TRPM3: variants seen among roughly 807,000 people sequenced by gnomAD.
The protein encoded by TRPM3 is transient receptor potential cation channel subfamily M member 3.
TRPM3 carries 77 observed loss-of-function variants against 181.2 expected under a neutral mutation model. The ratio of observed to expected loss-of-function variants is 0.42; its 90% CI spans 0.35 to 0.51. The LOEUF (loss-of-function observed/expected upper bound fraction) is 0.51. TRPM3 is among the 20% of genes least tolerant of loss of function. The pLI, the probability that TRPM3 is intolerant of heterozygous loss-of-function variation, is 0.01. For missense variants in TRPM3, 1,759 were observed against 2,196.7 expected, an observed-to-expected ratio of 0.80 and a Z score of 3.98; for synonymous variants, 745 against 796.4, an observed-to-expected ratio of 0.94 and a Z score of 1.09.
intron 1 of TRPM3, among the ~76,000 whole-genome samples, chr9:71,267,712 A>G (rs1443886109): frequency 6.6e-6 from 1 of 152,144 alleles, no homozygotes. Flanking sequence ...TATTTTTTAA[A>G]TGCCCAGCCA....
intron 1 of TRPM3, among the ~76,000 whole-genome samples, chr9:71,157,557 A>G (rs1429942450): frequency 1.3e-5 from 2 of 152,252 alleles, no homozygotes; most frequent in African/African-American, 2.4e-5. Context: ...ACACCCACAA[A>G]GGTAATATAT....
At chr9:71,231,407 C>G (rs2081041479) in intron 1 of TRPM3, among the ~76,000 whole-genome samples, 1 of 152,128 alleles carries the variant, frequency 6.6e-6, no homozygotes, top group Admixed American at 6.5e-5. Context: ...ACCAAGAATA[C>G]TGGTGGCTTC....
chr9:70,529,102 T>G lies in TRPM3; in HGVS notation c.*6851A>C, dbSNP rs933079552. 1 of 152,096 alleles carries G rather than the reference T, an allele frequency of 6.6e-6. No homozygotes were observed. Among genetic ancestry groups the G allele is most frequent in the South Asian group, 2.1e-4 (1 of 4,826 alleles). 9.4% of individuals were successfully genotyped at this position (152,096 alleles called of 1,614,324 possible). A position where few individuals can be genotyped will look rare whatever the true frequency, so the allele number is the denominator to read the frequency against. Reference sequence around the variant, plus strand: ...GAGTTTTTTTTTTTATTGCAAAACATTTGTTACAGAAATTTCAGAAAGTTT... The same window carrying G: ...GAGTTTTTTTTTTTATTGCAAAACAGTTGTTACAGAAATTTCAGAAAGTTT... On this transcript the variant is annotated 3_prime_UTR_variant, in exon 26 of 26. Transcript: ENST00000677713.
At chr9:71,323,195 A>T (rs2089399424) in intron 1 of TRPM3, among the ~76,000 whole-genome samples, 2 of 152,112 alleles carry the variant, frequency 1.3e-5, no homozygotes, top group Non-Finnish European at 1.5e-5. Context: ...ACACCATTAC[A>T]GTAGCCTTCA....
intron 1 of TRPM3, among the ~76,000 whole-genome samples, chr9:71,151,048 C>A (rs1024122501): frequency 1.3e-5 from 2 of 152,152 alleles, no homozygotes; most frequent in African/African-American, 4.8e-5. Flanking sequence ...TCTATCTATT[C>A]TCTAACCAAA....
intron 1 of TRPM3, among the ~76,000 whole-genome samples, chr9:71,266,875 T>C (rs1311663874): frequency 6.6e-6 from 1 of 152,142 alleles, no homozygotes; most frequent in African/African-American, 2.4e-5. Flanking sequence ...TTTGTCTTTT[T>C]GTGGCTAGAT....
intron 1 of TRPM3, among the ~76,000 whole-genome samples, chr9:71,215,042 A>C (rs570292519): frequency 7.6e-4 from 31 of 40,780 alleles, no homozygotes; most frequent in African/African-American, 1.3e-3. Context: ...ACAAAAAAAA[A>C]AAAACAAAAA....
intron 1 of TRPM3, among the ~76,000 whole-genome samples, chr9:70,936,816 A>C (rs1461665410): frequency 6.6e-6 from 1 of 152,202 alleles, no homozygotes; most frequent in African/African-American, 2.4e-5. Flanking sequence ...AACACAGCTT[A>C]GTTGATTCCA....
chr9:71,355,658 A>G (rs565493178), intron 1 of TRPM3, among the ~76,000 whole-genome samples: 6 of 152,332 alleles, frequency 3.9e-5, no homozygotes, highest in Middle Eastern at 3.4e-3. Context: ...TTTCTCTCCA[A>G]CAAGGTAAAA....
intron 1 of TRPM3, among the ~76,000 whole-genome samples, chr9:70,972,648 T>C (rs1390344007): frequency 6.6e-6 from 1 of 152,144 alleles, no homozygotes; most frequent in East Asian, 1.9e-4. Context: ...AGTTCTTCTT[T>C]TACTTTAAAA....
At chr9:71,007,366 C>G (rs2097691069) in intron 1 of TRPM3, among the ~76,000 whole-genome samples, 1 of 152,056 alleles carries the variant, frequency 6.6e-6, no homozygotes, top group Non-Finnish European at 1.5e-5. Context: ...ATGTACCTAA[C>G]AGACATTTAC....
At position 71,068,676 on chromosome 9, in the gene TRPM3, C is replaced by T. The variant is rs767808504; in HGVS notation, c.177+52502G>A. 8.9e-4 allele frequency among the ~76,000 whole-genome samples: 135 copies of T among 152,124 alleles called. 1 individual carries two copies. The highest frequency in any genetic ancestry group is 1.2e-4 in the Non-Finnish European group (8 of 68,020). ...GAGTGGCCATGCTGAAGTTGGGCAA[C>T]CTGGGATAACAGTGTTCTGGTGACT... On this transcript the variant is annotated intron_variant, in intron 1 of 25. Coordinates refer to ENST00000677713, the MANE Select transcript of TRPM3 (RefSeq NM_001366145.2).
rs111535130 is a variant in TRPM3 at position 71,303,518 on chromosome 9, T to G, written c.183+143135A>C. Among the ~76,000 whole-genome samples the G allele has an allele frequency of 6.6e-3, 1,011 of 152,332 alleles. 14 individuals carry two copies. The highest frequency in any genetic ancestry group is 0.023 in the African/African-American group (968 of 41,580). On this transcript the variant is annotated intron_variant, in intron 1 of 24. Coordinates refer to the TRPM3 transcript ENST00000357533. ...GTCAGAGTGACTAAGGTAAAATACA[T>G]GCGTGAGCAATCCCCATACCACTAG...
intron 1 of TRPM3, among the ~76,000 whole-genome samples, chr9:71,147,289 T>C (rs1054893586): frequency 6.6e-6 from 1 of 152,148 alleles, no homozygotes; most frequent in Non-Finnish European, 1.5e-5. Flanking sequence ...GCTAAAATAC[T>C]GTCTTATGTA....
chr9:71,388,122 C>T (rs2092970936), intron 1 of TRPM3, among the ~76,000 whole-genome samples: 1 of 152,042 alleles, frequency 6.6e-6, no homozygotes, highest in Non-Finnish European at 1.5e-5. Context: ...ATCCATCTTA[C>T]ATAGTTATAC....
intron 1 of TRPM3, among the ~76,000 whole-genome samples, chr9:71,163,695 A>G (rs1433600660): frequency 6.6e-6 from 1 of 152,146 alleles, no homozygotes; most frequent in African/African-American, 2.4e-5. Flanking sequence ...TCTAAGATAT[A>G]AAGTAAGATA....
At chr9:70,809,555 T>C (rs1164408898) in intron 6 of TRPM3, among the ~76,000 whole-genome samples, 1 of 152,218 alleles carries the variant, frequency 6.6e-6, no homozygotes, top group Non-Finnish European at 1.5e-5. Context: ...AGTAACATGC[T>C]ATACAGGTTT....
intron 12 of TRPM3, among the ~76,000 whole-genome samples, chr9:70,633,410 T>A (rs1213340004): frequency 6.6e-6 from 1 of 152,146 alleles, no homozygotes; most frequent in South Asian, 2.1e-4. Context: ...TACGATGGCA[T>A]GGAATGGGTA....
intron 1 of TRPM3, among the ~76,000 whole-genome samples, chr9:71,232,467 G>A (rs1050578348): frequency 7.8e-5 from 11 of 141,610 alleles, no homozygotes; most frequent in Admixed American, 4.9e-4. Context: ...ATACTCTAAC[G>A]CACATGGAAA....
Sources: gnomAD v4.1 joint callset for allele counts (sites outside exome capture counted in the v4.1 genomes callset) on GRCh38, gnomAD v4.1.1 for gene constraint, MANE v1.5 for transcripts, NCBI Gene and HGNC (gene_info 2026-07-23, HGNC 2026-07-21) for gene names.